The following PDCL3 variants were observed in gnomAD, a reference collection of about 807,000 sequenced individuals.
PDCL3 encodes phosducin-like protein 3.
In PDCL3, 22 loss-of-function variants were observed where a neutral mutation model predicts 26.5. That is an observed-to-expected ratio of 0.83 (90% CI 0.59 to 1.19). The LOEUF is 1.19. PDCL3 is among the 50% of genes most tolerant of loss of function. The pLI is 0.00. For missense variants in PDCL3, 246 were observed against 294.1 expected (o/e 0.84, Z 1.20); for synonymous variants, 81 against 104.9 (o/e 0.77, Z 1.39).
intron 2 of PDCL3, among the ~76,000 whole-genome samples, chr2:100,568,045 C>T (rs1362514199): frequency 6.6e-6 from 1 of 152,120 alleles, no homozygotes; most frequent in Admixed American, 6.6e-5. Context: ...AAACTCCTGA[C>T]CTCTAGTGAT....
chr2:100,569,095 C>A, intron 3 of PDCL3, 74 bp downstream of exon 3: 1 of 1,322,206 alleles, frequency 7.6e-7, no homozygotes, highest in Non-Finnish European at 1.1e-6. Flanking sequence ...TTTGGCGTGG[C>A]AATAAAATGT....
At chr2:100,575,386 T>C (rs113727848) in intron 5 of PDCL3, among the ~76,000 whole-genome samples, 1,984 of 152,280 alleles carry the variant, frequency 0.013, 38 homozygotes, top group African/African-American at 0.043. Context: ...CCGCCCACCT[T>C]GGCCTCCCAA....
rs115840023 is a variant in PDCL3 at position 100,564,911 on chromosome 2, G to A, written c.7-1592G>A. Among the ~76,000 whole-genome samples the A allele has an allele frequency of 8.8e-3, 1,337 of 152,262 alleles. 19 individuals are homozygous for A. Among genetic ancestry groups the A allele is most frequent in the African/African-American group, 0.029 (1,216 of 41,544 alleles). The stretch of plus-strand genomic sequence containing the variant: ...AGGCTTGTGAGGATTCAGGGACAAG[G>A]TACAAGAAAAAGGGCTTAGAGTGCC... On this transcript the variant is annotated intron_variant, in intron 1 of 5. Transcript: ENST00000264254.
chr2:100,571,966 AAC>A (rs1328368462), intron 5 of PDCL3, 168 bp downstream of exon 5: 1 of 646,136 alleles, frequency 1.5e-6, no homozygotes, highest in Non-Finnish European at 2.7e-6. Context: ...CGTAATCAGG[AAC>A]AGTTACAACT....
chr2:100,575,282 C>G (rs536245573), intron 5 of PDCL3, among the ~76,000 whole-genome samples: 6 of 152,222 alleles, frequency 3.9e-5, no homozygotes, highest in African/African-American at 1.4e-4. Flanking sequence ...ACTACAGGCA[C>G]CTGCCACCAT....
intron 2 of PDCL3, among the ~76,000 whole-genome samples, chr2:100,567,109 C>T (rs193051688): frequency 6.6e-6 from 1 of 152,092 alleles, no homozygotes; most frequent in Admixed American, 6.5e-5. Context: ...GTAACCCCAC[C>T]CACCTAGTGT....
intron 4 of PDCL3, among the ~76,000 whole-genome samples, chr2:100,571,125 A>AC (rs1325318078): frequency 4.9e-5 from 7 of 143,378 alleles, no homozygotes; most frequent in African/African-American, 1.9e-4. Context: ...AAAAAAAAAA[A>AC]AAAAAAATCA....
intron 5 of PDCL3, among the ~76,000 whole-genome samples, chr2:100,573,332 A>G (rs1432939509): frequency 6.6e-6 from 1 of 152,092 alleles, no homozygotes; most frequent in African/African-American, 2.4e-5. Flanking sequence ...ACTATGCTTT[A>G]CCAGAAAGAC....
At chr2:100,569,159 G>T in intron 3 of PDCL3, 138 bp downstream of exon 3, 1 of 715,406 alleles carries the variant, frequency 1.4e-6, no homozygotes. Context: ...GGGAGGCTGA[G>T]GCAGGCAGAT....
At chr2:100,571,550 A>G (rs1675168357) in intron 4 of PDCL3, 40 bp from the exon 5 acceptor site, 5 of 1,576,060 alleles carry the variant, frequency 3.2e-6, no homozygotes, top group Non-Finnish European at 4.3e-6. Context: ...GTATAAATGT[A>G]GGATCATAAT....
Position 100,566,648 on chromosome 2 carries a change from C to G in PDCL3, c.133+19C>G. ...TCAGTGGGTGAGTTCACTCGCTTTC[C>G]TCTGCACCTGTCTGGGTTAGGAGAT... On this transcript the variant is annotated intron_variant, in intron 2 of 5. Coordinates refer to ENST00000264254, the MANE Select transcript of PDCL3 (RefSeq NM_024065.5). 1 of 1,613,178 alleles carries G rather than the reference C, an allele frequency of 6.2e-7. No individual in the cohort carries two copies. Among genetic ancestry groups the G allele is most frequent in the Non-Finnish European group, 8.5e-7 (1 of 1,179,492 alleles).
intron 2 of PDCL3, among the ~76,000 whole-genome samples, chr2:100,567,133 C>T (rs2104392009): frequency 6.6e-6 from 1 of 152,216 alleles, no homozygotes; most frequent in East Asian, 1.9e-4. Flanking sequence ...CTGAAGCAGT[C>T]TCTGGAATGA....
At chr2:100,568,269 A>AAC (rs1675097396) in intron 2 of PDCL3, among the ~76,000 whole-genome samples, 1 of 132,930 alleles carries the variant, frequency 7.5e-6, no homozygotes, top group Admixed American at 7.3e-5. Context: ...ATGAGATTAG[A>AAC]TGCAATCACC....
At chr2:100,563,192 G>C in intron 1 of PDCL3, 119 bp downstream of exon 1, 1 of 1,318,824 alleles carries the variant, frequency 7.6e-7, no homozygotes, top group Non-Finnish European at 1.0e-6. Flanking sequence ...CACGAGGGAG[G>C]CCCGGCGCGT....
intron 5 of PDCL3, among the ~76,000 whole-genome samples, chr2:100,572,584 C>G (rs1675200041): frequency 6.6e-6 from 1 of 151,476 alleles, no homozygotes; most frequent in Admixed American, 6.6e-5. Flanking sequence ...ATCACGTGAT[C>G]TCGGCTCACT....
intron 3 of PDCL3, 57 bp from the exon 4 acceptor site, chr2:100,569,521 C>T: frequency 3.8e-6 from 6 of 1,578,004 alleles, no homozygotes; most frequent in Non-Finnish European, 3.4e-6. Context: ...GCCTTCTAGA[C>T]GATGTGTGTG....
intron 5 of PDCL3, 114 bp downstream of exon 5, chr2:100,571,912 C>A: frequency 1.1e-6 from 1 of 875,960 alleles, no homozygotes; most frequent in Non-Finnish European, 1.7e-6. Context: ...TCACTTCTGC[C>A]TGTGTATGAG....
At chr2:100,571,897 C>A in intron 5 of PDCL3, 99 bp downstream of exon 5, 1 of 1,254,176 alleles carries the variant, frequency 8.0e-7, no homozygotes, top group African/African-American at 1.5e-5. Flanking sequence ...GATGGTGGGT[C>A]AAGTTCACTT....
In PDCL3 at chr2:100,563,913, CTG is replaced by C. The variant is rs1419798736; in HGVS notation, c.6+842_6+843del. On this transcript the variant is annotated intron_variant, in intron 1 of 5. Transcript: ENST00000264254. ...GGGCGTGTCTGCCAGGAGCCAGACA[CTG>C]TTTTTTTTTTTTTTGAGACCGGGTC... 3.5e-3 allele frequency among the ~76,000 whole-genome samples: 400 copies of C among 113,826 alleles called. 4 individuals carry two copies. Among genetic ancestry groups the C allele is most frequent in the African/African-American group, 0.015 (385 of 25,592 alleles). 74.7% of individuals were successfully genotyped at this position (113,826 alleles called of 152,430 possible).
Sources: allele counts gnomAD v4.1 joint callset (sites outside exome capture counted in the v4.1 genomes callset), GRCh38; gene constraint gnomAD v4.1.1; transcripts MANE v1.5; gene names NCBI Gene and HGNC (gene_info 2026-07-23, HGNC 2026-07-21).